Variants in CDH12 observed in about 807,000 individuals in gnomAD.
CDH12 encodes the protein cadherin-12.
In CDH12, 41 loss-of-function variants were observed where a neutral mutation model predicts 74.1. The observed-to-expected ratio is 0.55, with a 90% confidence interval of 0.43 to 0.72. The LOEUF (loss-of-function observed/expected upper bound fraction) is 0.72. Among genes scored for constraint, CDH12 ranks in the 30% least tolerant of loss-of-function variants. The pLI is 0.00. For missense variants in CDH12, 945 were observed against 977.2 expected (o/e 0.97, Z 0.44); for synonymous variants, 399 against 355.0 (o/e 1.12, Z -1.39).
At chr5:22,671,537 T>A (rs897271260) in intron 1 of CDH12, among the ~76,000 whole-genome samples, 16 of 152,104 alleles carry the variant, frequency 1.1e-4, no homozygotes, top group Non-Finnish European at 2.1e-4. Flanking sequence ...AGTAGTTTAC[T>A]CCCCAACATG....
At chr5:22,224,543 GC>G (rs1286486478) in intron 3 of CDH12, among the ~76,000 whole-genome samples, 6 of 152,142 alleles carry the variant, frequency 3.9e-5, no homozygotes, top group Admixed American at 3.3e-4. Flanking sequence ...GGCAAAAAAG[GC>G]AGAATTGAGG....
At chr5:22,694,171 TA>T (rs913863944) in intron 1 of CDH12, among the ~76,000 whole-genome samples, 4 of 152,132 alleles carry the variant, frequency 2.6e-5, no homozygotes, top group African/African-American at 9.7e-5. Flanking sequence ...TTCATCAATA[TA>T]AAACAATAAT....
intron 1 of CDH12, among the ~76,000 whole-genome samples, chr5:22,556,047 T>G (rs35857048): frequency 0.083 from 12,255 of 147,950 alleles, 673 homozygotes; most frequent in Non-Finnish European, 0.12. Context: ...CTTTATTATC[T>G]CTGAGAATTT....
At chr5:21,847,269 C>G (rs1302138715) in intron 7 of CDH12, among the ~76,000 whole-genome samples, 2 of 152,126 alleles carry the variant, frequency 1.3e-5, no homozygotes, top group Non-Finnish European at 2.9e-5. Flanking sequence ...AGTTCTTCCA[C>G]TTCCTTTAGA....
chr5:21,921,209 A>G (rs1754335539), intron 6 of CDH12, among the ~76,000 whole-genome samples: 2 of 152,224 alleles, frequency 1.3e-5, no homozygotes, highest in African/African-American at 2.4e-5. Flanking sequence ...TTAGAAGCAC[A>G]GAATTATATG....
At chr5:22,117,406 TC>T (rs1417037219) in intron 4 of CDH12, among the ~76,000 whole-genome samples, 5 of 131,446 alleles carry the variant, frequency 3.8e-5, no homozygotes, top group Non-Finnish European at 7.9e-5. Context: ...ACTATTCTAT[TC>T]CCTAAAATTA....
chr5:22,644,733 T>C (rs564346220), intron 1 of CDH12, among the ~76,000 whole-genome samples: 3 of 151,876 alleles, frequency 2.0e-5, no homozygotes, highest in African/African-American at 7.3e-5. Context: ...AGGATTTTAA[T>C]AGAAAGGAAA....
intron 3 of CDH12, among the ~76,000 whole-genome samples, chr5:22,281,093 C>G (rs903588565): frequency 6.6e-6 from 1 of 152,094 alleles, no homozygotes; most frequent in African/African-American, 2.4e-5. Context: ...AAACATAACC[C>G]AGCATATAAA....
intron 1 of CDH12, among the ~76,000 whole-genome samples, chr5:22,808,605 C>CTTTTTTTT (rs34567315): frequency 6.3e-5 from 7 of 111,470 alleles, no homozygotes; most frequent in South Asian, 2.9e-4. Context: ...CTTTTCTTGT[C>CTTTTTTTT]TTTTTTTTTT....
chr5:22,728,468 C>T (rs748228459), intron 1 of CDH12, among the ~76,000 whole-genome samples: 3 of 151,710 alleles, frequency 2.0e-5, no homozygotes, highest in Non-Finnish European at 4.4e-5. Context: ...ATTTATATTT[C>T]GTGCTGGATA....
chr5:22,065,427 C>G (rs538669063), intron 5 of CDH12, among the ~76,000 whole-genome samples: 1 of 151,956 alleles, frequency 6.6e-6, no homozygotes, highest in South Asian at 2.1e-4. Flanking sequence ...TATTGCAGCA[C>G]GGGGAGTGAG....
intron 1 of CDH12, among the ~76,000 whole-genome samples, chr5:22,562,687 T>G (rs1014752137): frequency 6.6e-6 from 1 of 151,816 alleles, no homozygotes. Flanking sequence ...TTATGAAGAC[T>G]TTCACTCTTA....
intron 1 of CDH12, among the ~76,000 whole-genome samples, chr5:22,786,709 T>C (rs910913732): frequency 1.3e-5 from 2 of 151,808 alleles, no homozygotes; most frequent in Admixed American, 1.3e-4. Context: ...TTTTTTTTCT[T>C]TTTTCTTTCT....
At chr5:21,995,233 G>C (rs1281868976) in intron 5 of CDH12, among the ~76,000 whole-genome samples, 4 of 151,626 alleles carry the variant, frequency 2.6e-5, no homozygotes, top group Non-Finnish European at 5.9e-5. Flanking sequence ...ACCAATTCCA[G>C]ACACAAAATG....
At chr5:22,390,618 ATAG>A (rs1742207152) in intron 3 of CDH12, among the ~76,000 whole-genome samples, 3 of 149,590 alleles carry the variant, frequency 2.0e-5, no homozygotes, top group Admixed American at 1.3e-4. Flanking sequence ...AGATAGATAG[ATAG>A]ATGATAGAAT....
At chr5:22,765,375 T>C (rs1397011585) in intron 1 of CDH12, among the ~76,000 whole-genome samples, 1 of 151,984 alleles carries the variant, frequency 6.6e-6, no homozygotes, top group South Asian at 2.1e-4. Flanking sequence ...TAGTCTACTG[T>C]AATCATTACT....
At chr5:21,964,993 C>A (rs993760956) in intron 6 of CDH12, among the ~76,000 whole-genome samples, 10 of 151,920 alleles carry the variant, frequency 6.6e-5, no homozygotes, top group Non-Finnish European at 1.3e-4. Context: ...TAAAATATAT[C>A]TTGGTTTAAA....
At chr5:21,885,052 A>AT (rs1561272969) in intron 6 of CDH12, among the ~76,000 whole-genome samples, 1 of 151,858 alleles carries the variant, frequency 6.6e-6, no homozygotes, top group Non-Finnish European at 1.5e-5. Context: ...ATGCCCAGCT[A>AT]TTTTTTGTGT....
intron 1 of CDH12, among the ~76,000 whole-genome samples, chr5:22,753,298 A>G (rs965460435): frequency 2.6e-5 from 4 of 151,590 alleles, no homozygotes; most frequent in Non-Finnish European, 5.9e-5. Flanking sequence ...TTAGCCGGGC[A>G]CGGTGGCGGG....
Sources: allele counts gnomAD v4.1 joint callset (sites outside exome capture counted in the v4.1 genomes callset), GRCh38; gene constraint gnomAD v4.1.1; transcripts MANE v1.5; gene names NCBI Gene and HGNC (gene_info 2026-07-23, HGNC 2026-07-21).